MAP1LC3B2: variants seen among roughly 807,000 people sequenced by gnomAD.
MAP1LC3B2 encodes the protein microtubule-associated protein 1 light chain 3 beta 2.
For missense variants in MAP1LC3B2, 155 were observed against 154.6 expected (o/e 1.00, Z -0.01); for synonymous variants, 62 against 57.8 (o/e 1.07, Z -0.33).
chr12:116,574,249 A>T (rs1250577937), intron 1 of MAP1LC3B2, among the ~76,000 whole-genome samples: 2 of 20,464 alleles, frequency 9.8e-5, no homozygotes, highest in Non-Finnish European at 3.3e-4. Flanking sequence ...TGTAATAGTT[A>T]AAAAAAAAAA....
intron 1 of MAP1LC3B2, among the ~76,000 whole-genome samples, chr12:116,571,780 C>T (rs1391019662): frequency 1.3e-5 from 2 of 152,010 alleles, no homozygotes; most frequent in Non-Finnish European, 2.9e-5. Context: ...CGCGCCCGGC[C>T]ACGGACTGCT....
intron 1 of MAP1LC3B2, among the ~76,000 whole-genome samples, chr12:116,567,257 A>G (rs577409324): frequency 1.3e-5 from 2 of 152,182 alleles, no homozygotes; most frequent in Non-Finnish European, 2.9e-5. Flanking sequence ...CCAGCTTTAC[A>G]TGTTAGCTAT....
rs532990214 is a variant in MAP1LC3B2 at position 116,576,498 on chromosome 12, A to G, written c.*178A>G. 2.5e-4 allele frequency: 177 copies of G among 720,402 alleles called. No homozygotes were observed. In the African/African-American group the frequency reaches 2.8e-3, roughly 11 times the overall value. The allele number at this position is 720,402 out of a possible 1,614,324, so 44.6% of individuals were successfully genotyped here. Reference sequence around the variant, plus strand: ...TTTCAAGCAGAAAAACTGAGCTCCAAGTGAGCACATTCAGCTTTGGAAACT... The same window carrying G: ...TTTCAAGCAGAAAAACTGAGCTCCAGGTGAGCACATTCAGCTTTGGAAACT... On this transcript the variant is annotated 3_prime_UTR_variant, in exon 2 of 2. Coordinates refer to ENST00000556529, the MANE Select transcript of MAP1LC3B2 (RefSeq NM_001085481.3).
chr12:116,569,312 A>T (rs1311409462), intron 1 of MAP1LC3B2, among the ~76,000 whole-genome samples: 1 of 152,136 alleles, frequency 6.6e-6, no homozygotes, highest in Non-Finnish European at 1.5e-5. Context: ...AACAGTGGGG[A>T]GCTAAAATAG....
At chr12:116,567,292 G>C (rs1592867032) in intron 1 of MAP1LC3B2, among the ~76,000 whole-genome samples, 1 of 152,186 alleles carries the variant, frequency 6.6e-6, no homozygotes, top group Admixed American at 6.5e-5. Context: ...TCTCAACTTA[G>C]AAAGAAGTCT....
intron 1 of MAP1LC3B2, among the ~76,000 whole-genome samples, chr12:116,569,477 C>T (rs999154941): frequency 1.3e-5 from 2 of 152,196 alleles, no homozygotes; most frequent in Non-Finnish European, 2.9e-5. Flanking sequence ...ATGTACTTAA[C>T]ATCTGTTTCA....
intron 1 of MAP1LC3B2, among the ~76,000 whole-genome samples, chr12:116,566,038 C>A (rs1869377409): frequency 6.6e-6 from 1 of 152,170 alleles, no homozygotes; most frequent in Non-Finnish European, 1.5e-5. Context: ...TTCTCCACAA[C>A]AAATCCATTT....
At chr12:116,570,365 CT>C (rs1869495071) in intron 1 of MAP1LC3B2, among the ~76,000 whole-genome samples, 1 of 152,166 alleles carries the variant, frequency 6.6e-6, no homozygotes, top group African/African-American at 2.4e-5. Context: ...ATAAAATAGG[CT>C]TTGTGTTAGA....
chr12:116,561,129 G>A (rs1052382601), intron 1 of MAP1LC3B2, among the ~76,000 whole-genome samples: 1 of 152,086 alleles, frequency 6.6e-6, no homozygotes, highest in South Asian at 2.1e-4. Flanking sequence ...AAAAAAAGCT[G>A]TGGGGGACAG....
At chr12:116,564,505 A>C (rs890003621) in intron 1 of MAP1LC3B2, among the ~76,000 whole-genome samples, 2 of 152,044 alleles carry the variant, frequency 1.3e-5, no homozygotes, top group Non-Finnish European at 2.9e-5. Flanking sequence ...AGTGGTCTCT[A>C]ATGAATGCCT....
At chr12:116,560,228 A>ATATATATGTATGTATATG (rs1869232343) in intron 1 of MAP1LC3B2, 1 of 111,490 alleles carries the variant, frequency 9.0e-6, no homozygotes, top group African/African-American at 3.6e-5. Flanking sequence ...ATATATATAT[A>ATATATATGTATGTATATG]TATATATATA....
intron 1 of MAP1LC3B2, chr12:116,560,190 ATATATATAT>A (rs1869218889): frequency 1.2e-3 from 1 of 812 alleles, no homozygotes; most frequent in African/African-American, 2.4e-3. Flanking sequence ...AAGTTTGGCT[ATATATATAT>A]ATATATATAT....
At chr12:116,572,187 C>T (rs2136963583) in intron 1 of MAP1LC3B2, among the ~76,000 whole-genome samples, 1 of 152,236 alleles carries the variant, frequency 6.6e-6, no homozygotes, top group South Asian at 2.1e-4. Context: ...AGAGTTGTAC[C>T]TTCAGCAGAT....
At chr12:116,571,491 T>C (rs1869532740) in intron 1 of MAP1LC3B2, among the ~76,000 whole-genome samples, 1 of 64,786 alleles carries the variant, frequency 1.5e-5, no homozygotes, top group Admixed American at 1.6e-4. Flanking sequence ...TTTTTTTTTT[T>C]TTTTTTTGAG....
intron 1 of MAP1LC3B2, among the ~76,000 whole-genome samples, chr12:116,570,872 G>A (rs1869511098): frequency 6.6e-6 from 1 of 152,196 alleles, no homozygotes; most frequent in African/African-American, 2.4e-5. Flanking sequence ...AAGTCGAGAA[G>A]CACCTGTGTA....
At chr12:116,575,241 A>G (rs1432150836) in intron 1 of MAP1LC3B2, among the ~76,000 whole-genome samples, 2 of 152,184 alleles carry the variant, frequency 1.3e-5, no homozygotes, top group African/African-American at 4.8e-5. Context: ...TAAAGAAGAA[A>G]AAAAGTCAAA....
rs568042888 is a variant in MAP1LC3B2 at position 116,575,968 on chromosome 12, A to T, written c.26A>T (p.Gln9Leu). The T allele has an allele frequency of 3.7e-6, 6 of 1,614,234 alleles. No homozygotes were observed. In the South Asian group the frequency reaches 6.6e-5, roughly 18 times the overall value. MPSEKTFK[Q>L]RRTFEQRVED... ...ATGCCGTCGGAGAAGACCTTCAAGCAGCGGCGCACCTTCGAACAAAGAGTA... is the reference window on the plus strand; with the variant it reads ...ATGCCGTCGGAGAAGACCTTCAAGCTGCGGCGCACCTTCGAACAAAGAGTA... Residue 9 changes from glutamine (Q) to leucine (L), a missense_variant, in exon 2 of 2, where the codon CAG becomes CTG. Transcript: ENST00000556529.
intron 1 of MAP1LC3B2, among the ~76,000 whole-genome samples, chr12:116,573,251 T>G (rs1437364501): frequency 6.6e-6 from 1 of 152,136 alleles, no homozygotes; most frequent in Non-Finnish European, 1.5e-5. Flanking sequence ...ACATAAAAAC[T>G]TGTTAGGAAA....
At chr12:116,559,737 G>T (rs1736243196) in intron 1 of MAP1LC3B2, 1 of 152,216 alleles carries the variant, frequency 6.6e-6, no homozygotes. Context: ...CAGCGGAGGG[G>T]CCACCTTCAG....
Sources: gnomAD v4.1 joint callset for allele counts (sites outside exome capture counted in the v4.1 genomes callset) on GRCh38, gnomAD v4.1.1 for gene constraint, MANE v1.5 for transcripts, NCBI Gene and HGNC (gene_info 2026-07-23, HGNC 2026-07-21) for gene names.